The following GXYLT2 variants were observed in gnomAD, a reference collection of about 807,000 sequenced individuals.
The protein encoded by GXYLT2 is glycosyltransferase 8 domain containing 4.
In GXYLT2, 53 loss-of-function variants were observed where a neutral mutation model predicts 45.8. The ratio of observed to expected loss-of-function variants is 1.16; its 90% CI spans 0.93 to 1.46. The LOEUF (loss-of-function observed/expected upper bound fraction) is 1.46. Among genes scored for constraint, GXYLT2 ranks in the 40% most tolerant of loss-of-function variants. GXYLT2 has a pLI of 0.00. For missense variants in GXYLT2, 551 were observed against 544.4 expected (o/e 1.01, Z -0.12); for synonymous variants, 219 against 214.2 (o/e 1.02, Z -0.19).
intron 6 of GXYLT2, among the ~76,000 whole-genome samples, chr3:72,969,744 A>G (rs749281862): frequency 3.9e-5 from 6 of 152,116 alleles, no homozygotes; most frequent in Non-Finnish European, 8.8e-5. Context: ...CTACTCCTTT[A>G]CAGAAAAAGT....
chr3:72,940,563 G>A (rs147100131), intron 3 of GXYLT2, among the ~76,000 whole-genome samples: 2 of 152,122 alleles, frequency 1.3e-5, no homozygotes, highest in East Asian at 3.9e-4. Context: ...GGTGTGGTGA[G>A]GATAAGGACA....
At chr3:72,971,769 C>T (rs1218700509) in intron 6 of GXYLT2, among the ~76,000 whole-genome samples, 4 of 151,666 alleles carry the variant, frequency 2.6e-5, no homozygotes, top group Non-Finnish European at 4.4e-5. Flanking sequence ...GCCAAAATGG[C>T]GAAACCCTGT....
At chr3:72,946,280 A>G (rs1475175673) in intron 3 of GXYLT2, among the ~76,000 whole-genome samples, 19 of 31,712 alleles carry the variant, frequency 6.0e-4, no homozygotes, top group African/African-American at 8.6e-4. Context: ...CTGTCTGAAA[A>G]AAAAAAAAAA....
intron 6 of GXYLT2, among the ~76,000 whole-genome samples, chr3:72,970,208 G>A (rs768193800): frequency 8.6e-5 from 13 of 151,164 alleles, no homozygotes; most frequent in African/African-American, 2.2e-4. Context: ...AAAATTAGCC[G>A]GGTATGGTGG....
chr3:72,968,481 C>T (rs1288899713), intron 6 of GXYLT2, among the ~76,000 whole-genome samples: 2 of 152,218 alleles, frequency 1.3e-5, no homozygotes, highest in Non-Finnish European at 2.9e-5. Context: ...ACAATCAAGC[C>T]TTTATTTGCT....
At chr3:72,934,591 A>T (rs1258516163) in intron 3 of GXYLT2, among the ~76,000 whole-genome samples, 2 of 152,192 alleles carry the variant, frequency 1.3e-5, no homozygotes, top group Non-Finnish European at 2.9e-5. Context: ...ACCTAAAATC[A>T]GGAGGTGTAG....
chr3:72,951,113 C>A (rs1471595026), intron 3 of GXYLT2, among the ~76,000 whole-genome samples: 1 of 152,136 alleles, frequency 6.6e-6, no homozygotes, highest in Non-Finnish European at 1.5e-5. Context: ...ACATGGCCAA[C>A]AATGATCCTC....
chr3:72,909,177 T>G (rs928298584), intron 2 of GXYLT2, among the ~76,000 whole-genome samples: 3 of 150,404 alleles, frequency 2.0e-5, no homozygotes, highest in Admixed American at 6.6e-5. Context: ...CAAGCGATTC[T>G]TCTGCCTCAG....
At chr3:72,936,161 C>T (rs765984972) in intron 3 of GXYLT2, among the ~76,000 whole-genome samples, 3 of 151,932 alleles carry the variant, frequency 2.0e-5, no homozygotes, top group South Asian at 2.1e-4. Flanking sequence ...TGTGGTGGCA[C>T]GCGCCTGTAG....
intron 1 of GXYLT2, among the ~76,000 whole-genome samples, chr3:72,899,600 G>T (rs534082879): frequency 6.6e-6 from 1 of 152,260 alleles, no homozygotes; most frequent in Non-Finnish European, 1.5e-5. Flanking sequence ...GCTTTCCAAA[G>T]CCTGTGGTTT....
intron 2 of GXYLT2, among the ~76,000 whole-genome samples, chr3:72,910,241 A>G (rs546063781): frequency 5.9e-5 from 9 of 152,262 alleles, no homozygotes; most frequent in African/African-American, 9.6e-5. Context: ...TTATGTCCCA[A>G]TTTTACAGAC....
chr3:72,933,224 A>T (rs912998928), intron 3 of GXYLT2, among the ~76,000 whole-genome samples: 1 of 152,146 alleles, frequency 6.6e-6, no homozygotes, highest in East Asian at 1.9e-4. Context: ...TTTTTGACCC[A>T]GTCGGCCAAG....
rs1710609832 is a variant in GXYLT2 at position 72,955,093 on chromosome 3, C to T, written c.601-5C>T. On this transcript the variant is annotated splice_polypyrimidine_tract_variant and splice_region_variant and intron_variant, in intron 3 of 6. Transcript: ENST00000389617. Reference sequence around the variant, plus strand: ...CCCCTTTACACCCACTCCTTACACACAAAGGTGATTTTAAAGGATGTGGAC... The same window carrying T: ...CCCCTTTACACCCACTCCTTACACATAAAGGTGATTTTAAAGGATGTGGAC... The T allele has an allele frequency of 1.2e-6, 2 of 1,613,302 alleles. No homozygotes were observed. The highest frequency in any genetic ancestry group is 1.7e-6 in the Non-Finnish European group (2 of 1,179,424).
Position 72,957,776 on chromosome 3 carries a change from C to T in GXYLT2, c.976+424C>T, listed in dbSNP as rs1260127950. Among the ~76,000 whole-genome samples the T allele has an allele frequency of 2.0e-5, 3 of 152,016 alleles. No individual in the cohort carries two copies. The South Asian group carries it at 6.2e-4, about 32-fold the overall frequency. On this transcript the variant is annotated intron_variant, in intron 5 of 6. Coordinates refer to ENST00000389617, the MANE Select transcript of GXYLT2 (RefSeq NM_001080393.2). ...AGGAACATATTCAGGGTCAAAACAT[C>T]CTAGAAAAAGAACTCAGATCCCCAA...
At chr3:72,957,132 CT>C in intron 4 of GXYLT2, 96 bp from the exon 5 acceptor site, 1 of 1,285,556 alleles carries the variant, frequency 7.8e-7, no homozygotes, top group South Asian at 1.6e-5. Context: ...TGTTTCCCTC[CT>C]CTGAAGGGAA....
chr3:72,914,200 T>C (rs900234698), intron 2 of GXYLT2, among the ~76,000 whole-genome samples: 1 of 152,184 alleles, frequency 6.6e-6, no homozygotes, highest in Non-Finnish European at 1.5e-5. Context: ...AGTTCTTCTG[T>C]ATTTAATTAG....
intron 3 of GXYLT2, among the ~76,000 whole-genome samples, chr3:72,922,946 C>T (rs1263643801): frequency 6.6e-6 from 1 of 151,582 alleles, no homozygotes; most frequent in East Asian, 1.9e-4. Flanking sequence ...GGGTGAAATC[C>T]CATCTCTACA....
intron 6 of GXYLT2, among the ~76,000 whole-genome samples, chr3:72,973,211 G>C (rs1711029310): frequency 6.6e-6 from 1 of 152,206 alleles, no homozygotes; most frequent in Admixed American, 6.5e-5. Flanking sequence ...TACCAGCTGG[G>C]GGAGGGGCAC....
intron 1 of GXYLT2, among the ~76,000 whole-genome samples, chr3:72,889,923 T>G (rs1264655723): frequency 3.2e-5 from 4 of 126,634 alleles, no homozygotes; most frequent in African/African-American, 1.2e-4. Flanking sequence ...TTTTTTTTTT[T>G]GTGACAAAGT....
Sources: allele counts gnomAD v4.1 joint callset (sites outside exome capture counted in the v4.1 genomes callset), GRCh38; gene constraint gnomAD v4.1.1; transcripts MANE v1.5; gene names NCBI Gene and HGNC (gene_info 2026-07-23, HGNC 2026-07-21).